The following SMARCD2 variants were observed in gnomAD, a reference collection of about 807,000 sequenced individuals.
The protein encoded by SMARCD2 is SWI/SNF related BAF chromatin remodeling complex subunit D2.
A neutral mutation model predicts 70.4 loss-of-function variants in SMARCD2; 39 were observed. The observed-to-expected ratio is 0.55, with a 90% CI of 0.43 to 0.72. SMARCD2 has a LOEUF of 0.72. Among genes scored for constraint, SMARCD2 ranks in the 30% least tolerant of loss-of-function variants. The pLI, the probability that SMARCD2 is intolerant of heterozygous loss-of-function variation, is 0.00. For missense variants in SMARCD2, 540 were observed against 713.4 expected, an observed-to-expected ratio of 0.76 and a Z score of 2.77; for synonymous variants, 249 against 279.4, an observed-to-expected ratio of 0.89 and a Z score of 1.08.
chr17:63,836,320 G>A (rs889847954), intron 4 of SMARCD2, among the ~76,000 whole-genome samples: 2 of 151,902 alleles, frequency 1.3e-5, no homozygotes, highest in Middle Eastern at 6.8e-3. Context: ...ACCAGCCTGG[G>A]TAACATGGCG....
Position 63,837,656 on chromosome 17 carries a change from G to T in SMARCD2, c.217-31C>A. On this transcript the variant is annotated intron_variant, in intron 1 of 12. Transcript: ENST00000448276. The surrounding 1 kb of genome is among the most constrained non-coding windows in gnomAD (Gnocchi z 6.4). ...GGAAGTGAGCCAACGGGGGTGCATAGGTCAGGGGCAAGGCCCTCCGGGACC... is the reference window on the plus strand; with the variant it reads ...GGAAGTGAGCCAACGGGGGTGCATATGTCAGGGGCAAGGCCCTCCGGGACC... 6.3e-7 allele frequency: 1 copy of T among 1,595,586 alleles called. No individual in the cohort carries two copies. The highest frequency in any genetic ancestry group is 8.6e-7 in the Non-Finnish European group (1 of 1,168,486).
At chr17:63,841,245 G>A (rs149207465) in intron 1 of SMARCD2, among the ~76,000 whole-genome samples, 2 of 152,328 alleles carry the variant, frequency 1.3e-5, no homozygotes, top group African/African-American at 4.8e-5. Flanking sequence ...GAAGAATGAG[G>A]AGTAAGAAGG....
At position 63,833,426 on chromosome 17, in the gene SMARCD2, G is replaced by T. The variant is rs757892013; in HGVS notation, c.1318-6C>A. The T allele has an allele frequency of 6.2e-7, 1 of 1,613,970 alleles. No individual in the cohort carries two copies. Among genetic ancestry groups the T allele is most frequent in the South Asian group, 1.1e-5 (1 of 91,074 alleles). Reference sequence around the variant, plus strand: ...GACTCAATGGTCTCATGGATCTGGAGAGGGTACCTGTGTCAGACTGTGCCC... The same window carrying T: ...GACTCAATGGTCTCATGGATCTGGATAGGGTACCTGTGTCAGACTGTGCCC... On this transcript the variant is annotated splice_polypyrimidine_tract_variant and splice_region_variant and intron_variant, in intron 10 of 12. Coordinates refer to ENST00000448276, the MANE Select transcript of SMARCD2 (RefSeq NM_001098426.2). The surrounding 1 kb of genome is among the most constrained non-coding windows in gnomAD (Gnocchi z 4.3).
intron 5 of SMARCD2, 65 bp downstream of exon 5, chr17:63,835,347 T>G (rs2078940171): frequency 1.3e-6 from 2 of 1,524,700 alleles, no homozygotes; most frequent in Admixed American, 4.0e-5. Context: ...AGTATCAAAC[T>G]CCTTGGTCTC....
At chr17:63,838,231 G>T (rs573107775) in intron 1 of SMARCD2, among the ~76,000 whole-genome samples, 2 of 152,100 alleles carry the variant, frequency 1.3e-5, no homozygotes, top group African/African-American at 4.8e-5. Flanking sequence ...CAGCTGGTGG[G>T]GGTGGCCTCG....
Position 63,834,068 on chromosome 17 carries a change from G to A in SMARCD2, c.1084-62C>T. ...GGCACAGTGGAGTGGACCATTCCAG[G>A]ACCAGTGAGGGCAGCAGTCTGCAGG... On this transcript the variant is annotated intron_variant, in intron 8 of 12. Coordinates refer to ENST00000448276, the MANE Select transcript of SMARCD2 (RefSeq NM_001098426.2). The surrounding 1 kb of genome is among the most constrained non-coding windows in gnomAD (Gnocchi z 5.6). 1 of 1,588,166 alleles carries A rather than the reference G, an allele frequency of 6.3e-7. No individual in the cohort carries two copies. Among genetic ancestry groups the A allele is most frequent in the Non-Finnish European group, 8.6e-7 (1 of 1,157,172 alleles).
At chr17:63,840,141 AT>A (rs963979596) in intron 1 of SMARCD2, among the ~76,000 whole-genome samples, 30 of 149,854 alleles carry the variant, frequency 2.0e-4, no homozygotes, top group East Asian at 5.9e-4. Flanking sequence ...AAAAAAAAAA[AT>A]TTTTTTTTTG....
At position 63,832,101 on chromosome 17, in the gene SMARCD2, T is replaced by C; in HGVS notation, c.*837A>G. The C allele has an allele frequency of 2.0e-6, 2 of 982,718 alleles. No individual in the cohort carries two copies. The highest frequency in any genetic ancestry group is 3.1e-6 in the Non-Finnish European group (2 of 647,574). 60.9% of individuals were successfully genotyped at this position (982,718 alleles called of 1,614,324 possible). A position where few individuals can be genotyped will look rare whatever the true frequency, so the allele number is the denominator to read the frequency against. On this transcript the variant is annotated 3_prime_UTR_variant, in exon 13 of 13. Transcript: ENST00000448276. Reference sequence around the variant, plus strand: ...ACCACCAATAGACAAAAGGATTTATTTGGAAATTTCCAAACCTGCCAGATG... The same window carrying C: ...ACCACCAATAGACAAAAGGATTTATCTGGAAATTTCCAAACCTGCCAGATG...
rs748798641 is a variant in SMARCD2, at chr17:63,833,260, G to A, written c.1440+38C>T. 1 of 1,613,616 alleles carries A rather than the reference G, an allele frequency of 6.2e-7. No individual in the cohort carries two copies. The highest frequency in any genetic ancestry group is 8.5e-7 in the Non-Finnish European group (1 of 1,179,594). On this transcript the variant is annotated intron_variant, in intron 11 of 12. Transcript: ENST00000448276. The surrounding 1 kb of genome is among the most constrained non-coding windows in gnomAD (Gnocchi z 4.3). The stretch of plus-strand genomic sequence containing the variant: ...CTGCTGTGGGTAAAAATCACCCAGA[G>A]CTTTACATAGGAGTCCCCTCGGGAA...
chr17:63,841,317 G>A lies in SMARCD2; in HGVS notation c.216+1142C>T, dbSNP rs575039161. Among the ~76,000 whole-genome samples, 134 of 152,390 alleles carry A rather than the reference G, an allele frequency of 8.8e-4. 2 individuals are homozygous for A. The highest frequency in any genetic ancestry group is 3.1e-3 in the African/African-American group (130 of 41,586). On this transcript the variant is annotated intron_variant, in intron 1 of 12. Coordinates refer to ENST00000448276, the MANE Select transcript of SMARCD2 (RefSeq NM_001098426.2). ...CTCCTTAGAAGTGAGGGCCCAGTGG[G>A]GCAGGTAGGCTGTGTATACTCCACG...
chr17:63,832,278 G>A lies in SMARCD2; in HGVS notation c.*660C>T, dbSNP rs952138589. 2.6e-5 allele frequency: 10 copies of A among 390,078 alleles called. No homozygotes were observed. Among genetic ancestry groups the A allele is most frequent in the African/African-American group, 8.1e-5 (4 of 49,082 alleles). The allele number at this position is 390,078 out of a possible 1,614,324, so 24.2% of individuals were successfully genotyped here. On this transcript the variant is annotated 3_prime_UTR_variant, in exon 13 of 13. Transcript: ENST00000448276. ...TAGAGAACTGGAGTGTCCCCTCCCC[G>A]GCCCAAGCCGCTGGAGAGGCAGCCC...
At chr17:63,839,593 AC>A (rs139809198) in intron 1 of SMARCD2, among the ~76,000 whole-genome samples, 97,232 of 145,506 alleles carry the variant, frequency 0.67, 33,259 homozygotes, top group African/African-American at 0.84. Flanking sequence ...AACAAAACAA[AC>A]AAAAAAAAAC....
Position 63,833,043 on chromosome 17 carries a change from G to A in SMARCD2, c.1542+26C>T. Reference sequence around the variant, plus strand: ...CAGGCCTTTGCTACTCACGGCCAAAGGAGGGAAAACAGGGCAGAGCCTCAC... The same window carrying A: ...CAGGCCTTTGCTACTCACGGCCAAAAGAGGGAAAACAGGGCAGAGCCTCAC... On this transcript the variant is annotated intron_variant, in intron 12 of 12. Transcript: ENST00000448276. The surrounding 1 kb of genome is among the most constrained non-coding windows in gnomAD (Gnocchi z 4.3). 2 of 1,587,594 alleles carry A rather than the reference G, an allele frequency of 1.3e-6. No homozygotes were observed. The highest frequency in any genetic ancestry group is 1.7e-6 in the Non-Finnish European group (2 of 1,167,696).
intron 1 of SMARCD2, chr17:63,839,273 TGCAGAGGTGAGC>T (rs2144637558): frequency 1.0e-6 from 1 of 984,572 alleles, no homozygotes; most frequent in South Asian, 4.7e-5. Context: ...CAGTGGGTCC[TGCAGAGGTGAGC>T]GAGGGCCCTG....
At chr17:63,838,474 G>A (rs984582096) in intron 1 of SMARCD2, 17 of 783,358 alleles carry the variant, frequency 2.2e-5, no homozygotes, top group Non-Finnish European at 3.0e-5. Context: ...CTCTGGCTCC[G>A]TGTAGCCCTG....
intron 1 of SMARCD2, 131 bp downstream of exon 1, chr17:63,842,328 G>A: frequency 1.7e-6 from 2 of 1,182,862 alleles, no homozygotes; most frequent in Non-Finnish European, 1.1e-6. Flanking sequence ...GAGGGTCCCG[G>A]CCCGCCCTCC....
chr17:63,840,492 T>C (rs1904418566), intron 1 of SMARCD2, among the ~76,000 whole-genome samples: 1 of 152,016 alleles, frequency 6.6e-6, no homozygotes, highest in East Asian at 1.9e-4. Context: ...TTTTTTTCTT[T>C]TCTTTTTCTT....
chr17:63,833,392 T>A lies in SMARCD2; in HGVS notation c.1346A>T (p.Gln449Leu). The A allele has an allele frequency of 6.2e-7, 1 of 1,614,024 alleles. No homozygotes were observed. The highest frequency in any genetic ancestry group is 1.1e-5 in the South Asian group (1 of 91,080). The change falls in exon 11 of 13, where the codon CAG becomes CTG. Residue 449 changes from glutamine (Q) to leucine (L), a missense_variant. Coordinates refer to ENST00000448276, the MANE Select transcript of SMARCD2 (RefSeq NM_001098426.2). This position sits in a 1 kb window ranked among gnomAD's most constrained non-coding sequence, Gnocchi z 4.3. The stretch of plus-strand genomic sequence containing the variant: ...CATGAAATCTCTCTGGGTCTTCAGC[T>A]GGTTGATGGACTCAATGGTCTCATG... ...KIHETIESIN[Q>L]LKTQRDFMLS... is the part of the protein sequence containing the mutation.
Position 63,842,676 on chromosome 17 carries a change from G to A in SMARCD2, c.-2C>T, listed in dbSNP as rs1483896219. 2 of 1,311,444 alleles carry A rather than the reference G, an allele frequency of 1.5e-6. No homozygotes were observed. Among genetic ancestry groups the A allele is most frequent in the South Asian group, 2.1e-5 (1 of 48,592 alleles). The allele number at this position is 1,311,444 out of a possible 1,614,324, so 81.2% of individuals were successfully genotyped here. On this transcript the variant is annotated 5_prime_UTR_variant, in exon 1 of 13. Coordinates refer to ENST00000448276, the MANE Select transcript of SMARCD2 (RefSeq NM_001098426.2). ...CCCGCCCGCGCCTCGGCCCGACATC[G>A]CTCCGTCCCGTCCCGCGGTGCCGCG...
Sources: allele counts gnomAD v4.1 joint callset (sites outside exome capture counted in the v4.1 genomes callset), GRCh38; gene constraint gnomAD v4.1.1; non-coding constraint Gnocchi (gnomAD v3.1); transcripts MANE v1.5; gene names NCBI Gene and HGNC (gene_info 2026-07-23, HGNC 2026-07-21).